Variants in GPHN observed in about 807,000 individuals in gnomAD.
GPHN encodes the protein gephyrin.
A neutral mutation model predicts 95.5 loss-of-function variants in GPHN; 17 were observed. The observed-to-expected ratio is 0.18, with a 90% CI of 0.12 to 0.27. GPHN has a LOEUF of 0.27. GPHN is among the 10% of genes least tolerant of loss of function. GPHN has a pLI of 1.00. For synonymous variants in GPHN, 320 were observed against 322.5 expected (o/e 0.99, Z 0.08); for missense variants, 660 against 978.1 (o/e 0.67, Z 4.34).
chr14:66,553,263 T>C (rs533152148), intron 1 of GPHN, among the ~76,000 whole-genome samples: 46 of 152,294 alleles, frequency 3.0e-4, no homozygotes, highest in African/African-American at 9.6e-4. Context: ...AGTGCTAGGA[T>C]TATAGGCATG....
intron 8 of GPHN, among the ~76,000 whole-genome samples, chr14:66,949,960 C>A (rs1028497620): frequency 1.1e-4 from 16 of 143,158 alleles, no homozygotes; most frequent in Non-Finnish European, 1.8e-4. Flanking sequence ...TTTAAAAGTG[C>A]CTGCCCAACC....
At chr14:67,514,443 A>C in the GPHN span, among the ~76,000 whole-genome samples, 2 of 152,110 alleles carry the variant, frequency 1.3e-5, no homozygotes, top group African/African-American at 4.8e-5. Flanking sequence ...GCAGGTGAAG[A>C]GCTGGCAGCC....
At chr14:66,991,870 T>TCAAAAA (rs11429396) in intron 9 of GPHN, among the ~76,000 whole-genome samples, 5 of 111,090 alleles carry the variant, frequency 4.5e-5, no homozygotes, top group African/African-American at 9.0e-5. Flanking sequence ...AGACCCTGTC[T>TCAAAAA]AAAAAAAAAA....
the GPHN span, chr14:67,241,080 A>G: frequency 3.3e-5 from 5 of 152,294 alleles, no homozygotes; most frequent in South Asian, 1.0e-3. Context: ...AAGGGGCTCT[A>G]CCGGGCCAGC....
chr14:67,674,817 G>C, the GPHN span: 2 of 222,596 alleles, frequency 9.0e-6, no homozygotes, highest in South Asian at 1.5e-4. Context: ...TTGGGGAAAG[G>C]CCGCAGCGAA....
chr14:67,467,674 A>G, the GPHN span: 7,270 of 152,254 alleles, frequency 0.048, 234 homozygotes, highest in East Asian at 0.12. Context: ...CACCCACATG[A>G]GCTGGACTCA....
the GPHN span, chr14:67,650,838 A>AAGG: frequency 6.2e-7 from 1 of 1,614,126 alleles, no homozygotes; most frequent in Non-Finnish European, 8.5e-7. Context: ...CAGACAAGAG[A>AAGG]AGGAGGGCAT....
intron 2 of GPHN, among the ~76,000 whole-genome samples, chr14:66,737,648 A>G (rs903264321): frequency 6.6e-6 from 1 of 152,198 alleles, no homozygotes. Context: ...CCAAGGCTGT[A>G]GGCCACACAT....
intron 2 of GPHN, among the ~76,000 whole-genome samples, chr14:66,687,151 C>T (rs2067425311): frequency 6.6e-6 from 1 of 151,976 alleles, no homozygotes; most frequent in Non-Finnish European, 1.5e-5. Context: ...GACTCCCACA[C>T]AATAATAATG....
chr14:67,388,401 A>T, the GPHN span: 2 of 743,852 alleles, frequency 2.7e-6, no homozygotes, highest in Middle Eastern at 2.4e-4. Context: ...AGTGAGTGCA[A>T]ATCATTTGTA....
At chr14:67,292,250 C>G in the GPHN span, among the ~76,000 whole-genome samples, 1 of 152,060 alleles carries the variant, frequency 6.6e-6, no homozygotes, top group African/African-American at 2.4e-5. Flanking sequence ...CATTCCTCCC[C>G]TCACTTGTTT....
chr14:67,132,279 T>C (rs1417801396), intron 17 of GPHN, among the ~76,000 whole-genome samples: 1 of 152,186 alleles, frequency 6.6e-6, no homozygotes, highest in Non-Finnish European at 1.5e-5. Context: ...AAACACATCC[T>C]AATTTTTCAT....
chr14:66,957,187 C>CTTTTTTTTTTTT (rs1157690518), intron 8 of GPHN, among the ~76,000 whole-genome samples: 1 of 84,830 alleles, frequency 1.2e-5, no homozygotes. Context: ...TTCTTTCTTT[C>CTTTTTTTTTTTT]TTTTTTTTTT....
chr14:66,735,907 T>C (rs555292879), intron 2 of GPHN, among the ~76,000 whole-genome samples: 3 of 152,130 alleles, frequency 2.0e-5, no homozygotes, highest in African/African-American at 4.8e-5. Flanking sequence ...TTAATACTTA[T>C]AGCAATCTTA....
Position 66,763,461 on chromosome 14 carries a change from A to G in GPHN, c.144-13003A>G, listed in dbSNP as rs1024848640. Among the ~76,000 whole-genome samples the G allele has an allele frequency of 3.1e-4, 44 of 141,344 alleles. No homozygotes were observed. In the Middle Eastern group the frequency reaches 0.015, roughly 48 times the overall value. The allele number at this position is 141,344 out of a possible 152,430, so 92.7% of individuals were successfully genotyped here. ...TGTGTCCATGTGATCTCATTGTTCAATTCCCACCTATGAGTGAGAATAGGC... is the reference window on the plus strand; with the variant it reads ...TGTGTCCATGTGATCTCATTGTTCAGTTCCCACCTATGAGTGAGAATAGGC... On this transcript the variant is annotated intron_variant, in intron 2 of 22. Coordinates refer to ENST00000478722, the MANE Select transcript of GPHN (RefSeq NM_020806.5).
intron 5 of GPHN, among the ~76,000 whole-genome samples, chr14:66,899,313 G>A (rs531806317): frequency 6.6e-6 from 1 of 151,806 alleles, no homozygotes; most frequent in Non-Finnish European, 1.5e-5. Flanking sequence ...GAATAGCCAT[G>A]GTGAAAATGG....
the GPHN span, chr14:67,557,498 C>T: frequency 7.3e-7 from 1 of 1,372,474 alleles, no homozygotes; most frequent in South Asian, 1.3e-5. Flanking sequence ...AGCTGTTCCG[C>T]TCAAGCCCTC....
chr14:67,559,159 T>G, the GPHN span, among the ~76,000 whole-genome samples: 1 of 152,372 alleles, frequency 6.6e-6, no homozygotes. Context: ...TTTGACTACT[T>G]TGATGGAAAT....
At chr14:67,555,804 C>T in the GPHN span, 1 of 1,612,540 alleles carries the variant, frequency 6.2e-7, no homozygotes, top group Non-Finnish European at 8.5e-7. Flanking sequence ...CTACATCTCC[C>T]CTTTCTCTCT....
Sources: gnomAD v4.1 joint callset for allele counts (sites outside exome capture counted in the v4.1 genomes callset) on GRCh38, gnomAD v4.1.1 for gene constraint, MANE v1.5 for transcripts, NCBI Gene and HGNC (gene_info 2026-07-23, HGNC 2026-07-21) for gene names.